TOX2: variants seen among roughly 807,000 people sequenced by gnomAD.
The protein encoded by TOX2 is granulosa cell HMG box 1.
TOX2 carries 15 observed loss-of-function variants against 47.4 expected under a neutral mutation model. The ratio of observed to expected loss-of-function variants is 0.32; its 90% confidence interval spans 0.21 to 0.49. TOX2 has a LOEUF of 0.49. TOX2 is among the 20% of genes least tolerant of loss of function. The pLI is 0.99. For missense variants in TOX2, 622 were observed against 673.1 expected (o/e 0.92, Z 0.84); for synonymous variants, 290 against 296.6 (o/e 0.98, Z 0.23).
chr20:43,931,306 T>C (rs1600657026), intron 1 of TOX2, among the ~76,000 whole-genome samples: 1 of 151,730 alleles, frequency 6.6e-6, no homozygotes, highest in South Asian at 2.1e-4. Flanking sequence ...ACCTGATAAT[T>C]TTTAAATTTT....
At chr20:43,997,326 G>A (rs540674892) in intron 2 of TOX2, among the ~76,000 whole-genome samples, 6 of 152,268 alleles carry the variant, frequency 3.9e-5, no homozygotes, top group South Asian at 2.1e-4. Flanking sequence ...AATACAGCAG[G>A]TTGATAAAAT....
intron 2 of TOX2, among the ~76,000 whole-genome samples, chr20:43,973,891 G>A (rs1464665114): frequency 6.6e-6 from 1 of 152,134 alleles, no homozygotes; most frequent in African/African-American, 2.4e-5. Context: ...TTGTGGACAG[G>A]GCACAAGGAA....
intron 3 of TOX2, among the ~76,000 whole-genome samples, chr20:44,008,552 C>A (rs1309276293): frequency 3.3e-5 from 3 of 89,996 alleles, no homozygotes; most frequent in South Asian, 3.8e-4. Flanking sequence ...GCAGCAAGAC[C>A]CTGTCTCAAA....
intron 3 of TOX2, among the ~76,000 whole-genome samples, chr20:44,033,151 T>C (rs1388622549): frequency 6.6e-6 from 1 of 152,226 alleles, no homozygotes; most frequent in African/African-American, 2.4e-5. Flanking sequence ...AGCATGAAAG[T>C]GTATTAGCAA....
At chr20:43,984,929 G>A (rs76021451) in intron 2 of TOX2, among the ~76,000 whole-genome samples, 281 of 152,198 alleles carry the variant, frequency 1.8e-3, no homozygotes, top group African/African-American at 6.4e-3. Context: ...CAGCCACCTC[G>A]AACTTAGCAT....
chr20:43,927,633 T>TTCCTTCCTTCCTTCCTCCCC (rs2069190067), intron 1 of TOX2, among the ~76,000 whole-genome samples: 1 of 118,386 alleles, frequency 8.4e-6, no homozygotes, highest in Non-Finnish European at 1.7e-5. Context: ...TCCTCCTTCC[T>TTCCTTCCTTCCTTCCTCCCC]TCCTTCCTCC....
intron 3 of TOX2, among the ~76,000 whole-genome samples, chr20:44,045,973 A>T (rs1303774526): frequency 6.6e-6 from 1 of 152,218 alleles, no homozygotes; most frequent in Non-Finnish European, 1.5e-5. Context: ...ATGGGGTGGG[A>T]AGAGGAGAAT....
chr20:44,060,410 G>C (rs1211323900), intron 5 of TOX2, among the ~76,000 whole-genome samples: 1 of 152,096 alleles, frequency 6.6e-6, no homozygotes, highest in African/African-American at 2.4e-5. Context: ...GGACTTAACA[G>C]ATATTTATAG....
At chr20:43,983,672 G>A (rs2070209764) in intron 2 of TOX2, among the ~76,000 whole-genome samples, 1 of 147,130 alleles carries the variant, frequency 6.8e-6, no homozygotes, top group Non-Finnish European at 1.5e-5. Context: ...GAATAATGAG[G>A]GTAGATGGTC....
intron 3 of TOX2, 150 bp from the exon 4 acceptor site, chr20:44,051,156 C>T: frequency 1.6e-6 from 2 of 1,240,280 alleles, no homozygotes; most frequent in Non-Finnish European, 2.2e-6. Context: ...GCATGAGGCT[C>T]CATCTTGAGA....
Position 43,952,077 on chromosome 20 carries a change from A to G in TOX2, c.100-21290A>G, listed in dbSNP as rs1195165667. Among the ~76,000 whole-genome samples, 3 of 150,192 alleles carry G rather than the reference A, an allele frequency of 2.0e-5. No individual in the cohort carries two copies. The Middle Eastern group carries it at 0.01, about 518-fold the overall frequency. Reference sequence around the variant, plus strand: ...ACACCCGGCTGATTTTTTTTTTAAAATTTTTAGTAGAGATGGGGTTTCACC... The same window carrying G: ...ACACCCGGCTGATTTTTTTTTTAAAGTTTTTAGTAGAGATGGGGTTTCACC... On this transcript the variant is annotated intron_variant, in intron 1 of 8. Coordinates refer to ENST00000341197, the MANE Select transcript of TOX2 (RefSeq NM_001098797.2).
chr20:44,046,138 A>C (rs2071405846), intron 3 of TOX2, among the ~76,000 whole-genome samples: 1 of 152,230 alleles, frequency 6.6e-6, no homozygotes, highest in Non-Finnish European at 1.5e-5. Context: ...TTTACACTTA[A>C]AATTATGCAG....
At chr20:44,037,830 CG>C (rs2071265971) in intron 3 of TOX2, among the ~76,000 whole-genome samples, 1 of 151,984 alleles carries the variant, frequency 6.6e-6, no homozygotes, top group Non-Finnish European at 1.5e-5. Context: ...GTACCAGTAA[CG>C]GGGCGATGCT....
chr20:44,015,641 G>A (rs1308898186), intron 3 of TOX2, among the ~76,000 whole-genome samples: 1 of 152,206 alleles, frequency 6.6e-6, no homozygotes, highest in Non-Finnish European at 1.5e-5. Context: ...TATTATCTCA[G>A]GGGGAAATGG....
chr20:43,938,444 T>A (rs182498021), intron 1 of TOX2, among the ~76,000 whole-genome samples: 39 of 152,274 alleles, frequency 2.6e-4, no homozygotes, highest in African/African-American at 9.1e-4. Context: ...AAAGCACGTC[T>A]CAAATGAGAT....
chr20:43,931,242 G>C (rs1310590739), intron 1 of TOX2, among the ~76,000 whole-genome samples: 1 of 152,164 alleles, frequency 6.6e-6, no homozygotes, highest in Non-Finnish European at 1.5e-5. Context: ...GGGCTCAAGC[G>C]ATCCTCCTGC....
intron 1 of TOX2, among the ~76,000 whole-genome samples, chr20:43,951,707 G>GTTTTTTTTTTTTTTTTTTTGTTTTTT (rs2069572612): frequency 1.8e-5 from 1 of 55,094 alleles, no homozygotes; most frequent in South Asian, 1.0e-3. Flanking sequence ...AACTTATTAT[G>GTTTTTTTTTTTTTTTTTTTGTTTTTT]TTTTTTTTTT....
chr20:44,013,593 G>A (rs972057160), intron 3 of TOX2, among the ~76,000 whole-genome samples: 4 of 152,230 alleles, frequency 2.6e-5, no homozygotes, highest in African/African-American at 9.6e-5. Context: ...CTTTTGCTGT[G>A]TAACAAACTA....
At chr20:44,041,609 C>A (rs2071333220) in intron 3 of TOX2, among the ~76,000 whole-genome samples, 1 of 152,182 alleles carries the variant, frequency 6.6e-6, no homozygotes, top group African/African-American at 2.4e-5. Flanking sequence ...GCGCTCTCAT[C>A]CCCAAAGCTT....
Sources: allele counts gnomAD v4.1 joint callset (sites outside exome capture counted in the v4.1 genomes callset), GRCh38; gene constraint gnomAD v4.1.1; transcripts MANE v1.5; gene names NCBI Gene and HGNC (gene_info 2026-07-23, HGNC 2026-07-21).